Variants in ZNF804A observed in about 807,000 individuals in gnomAD.
ZNF804A encodes zinc finger protein 804A.
ZNF804A carries 2 observed loss-of-function variants against 16.5 expected under a neutral mutation model. That is an observed-to-expected ratio of 0.12 (90% confidence interval 0.05 to 0.38). The LOEUF is 0.38. ZNF804A is among the 10% of genes least tolerant of loss of function. The probability of loss-of-function intolerance (pLI) is 0.99; values close to 1 mark genes in which losing one functional copy is unlikely to be tolerated. For synonymous variants in ZNF804A, 534 were observed against 489.6 expected (o/e 1.09, Z -1.20); for missense variants, 1,473 against 1,390.7 (o/e 1.06, Z -0.94).
rs1387654239 is a variant in ZNF804A at position 184,866,457 on chromosome 2, A to G, written c.200A>G (p.Tyr67Cys). ...FYCELCDKQY[Y>C]KHQEFDNHIN... Reference sequence around the variant, plus strand: ...TGTGAACTCTGTGACAAGCAGTACTATAAGCACCAGGAGTTTGACAATCAC... The same window carrying G: ...TGTGAACTCTGTGACAAGCAGTACTGTAAGCACCAGGAGTTTGACAATCAC... The change falls in exon 2 of 4, where the codon TAT becomes TGT. Residue 67 changes from tyrosine (Y) to cysteine (C), a missense_variant. By Grantham distance (194) the Tyr-to-Cys change is radical (BLOSUM62 -2). Coordinates refer to ENST00000302277, the MANE Select transcript of ZNF804A (RefSeq NM_194250.2). 6.2e-7 allele frequency: 1 copy of G among 1,613,138 alleles called. No individual in the cohort carries two copies. The highest frequency in any genetic ancestry group is 1.1e-5 in the South Asian group (1 of 91,030).
At chr2:184,777,242 C>G (rs955944755) in intron 1 of ZNF804A, among the ~76,000 whole-genome samples, 1 of 151,518 alleles carries the variant, frequency 6.6e-6, no homozygotes, top group African/African-American at 2.4e-5. Flanking sequence ...CCAACTGGAC[C>G]CACCATTTTG....
intron 1 of ZNF804A, among the ~76,000 whole-genome samples, chr2:184,680,628 G>A (rs1692525125): frequency 6.6e-6 from 1 of 152,234 alleles, no homozygotes; most frequent in African/African-American, 2.4e-5. Context: ...CCGCTGAGCT[G>A]TATTGTCACT....
intron 1 of ZNF804A, among the ~76,000 whole-genome samples, chr2:184,606,217 TA>T (rs982082159): frequency 1.2e-4 from 19 of 152,176 alleles, no homozygotes; most frequent in African/African-American, 4.6e-4. Flanking sequence ...AGGTAATTTA[TA>T]AAGGAAAGAG....
intron 1 of ZNF804A, among the ~76,000 whole-genome samples, chr2:184,809,157 G>T (rs1694854259): frequency 6.6e-6 from 1 of 151,758 alleles, no homozygotes; most frequent in South Asian, 2.1e-4. Context: ...TGGCATAATG[G>T]ATATAATTTT....
intron 1 of ZNF804A, among the ~76,000 whole-genome samples, chr2:184,808,011 G>T (rs1426226613): frequency 6.6e-6 from 1 of 151,450 alleles, no homozygotes; most frequent in Non-Finnish European, 1.5e-5. Context: ...TTTTAAAAAT[G>T]TGTTTTCTTT....
chr2:184,760,510 T>A (rs1413450146), intron 1 of ZNF804A, among the ~76,000 whole-genome samples: 1 of 152,258 alleles, frequency 6.6e-6, no homozygotes, highest in African/African-American at 2.4e-5. Context: ...TATGTATGTT[T>A]AAAGTAGAGC....
chr2:184,937,583 G>T lies in ZNF804A; in HGVS notation c.2187G>T (p.Met729Ile), dbSNP rs970749181. The T allele has an allele frequency of 1.2e-6, 2 of 1,612,480 alleles. No individual in the cohort carries two copies. Among genetic ancestry groups the T allele is most frequent in the Admixed American group, 1.7e-5 (1 of 59,464 alleles). Reference sequence around the variant, plus strand: ...CTTACTGTTGTTGGAAAACCAAAATGTCAAGCTGTAGTCAGGATCACAGAA... The same window carrying T: ...CTTACTGTTGTTGGAAAACCAAAATTTCAAGCTGTAGTCAGGATCACAGAA... ...SRTYCCWKTK[M>I]SSCSQDHRSL... Residue 729 changes from methionine (M) to isoleucine (I), a missense_variant, in exon 4 of 4, where the codon ATG becomes ATT. Physicochemically the swap from Met to Ile is conservative, Grantham distance 10. Transcript: ENST00000302277.
At chr2:184,770,831 A>C (rs1461030370) in intron 1 of ZNF804A, among the ~76,000 whole-genome samples, 1 of 152,062 alleles carries the variant, frequency 6.6e-6, no homozygotes, top group Non-Finnish European at 1.5e-5. Flanking sequence ...TATTGTGGAA[A>C]ACTGGCAGTG....
intron 2 of ZNF804A, among the ~76,000 whole-genome samples, chr2:184,895,369 A>G (rs1176971315): frequency 1.3e-5 from 2 of 152,216 alleles, no homozygotes; most frequent in Non-Finnish European, 2.9e-5. Context: ...ATGAATCTTT[A>G]AGAAGCATTT....
At chr2:184,671,486 C>A (rs1692338352) in intron 1 of ZNF804A, among the ~76,000 whole-genome samples, 1 of 152,064 alleles carries the variant, frequency 6.6e-6, no homozygotes, top group Non-Finnish European at 1.5e-5. Context: ...GAAGTGACCT[C>A]CTTTGTATTA....
At chr2:184,790,760 C>T (rs1177285965) in intron 1 of ZNF804A, among the ~76,000 whole-genome samples, 5 of 151,928 alleles carry the variant, frequency 3.3e-5, no homozygotes, top group South Asian at 2.1e-4. Context: ...CCTGCCACAA[C>T]GCCCGGCTAA....
intron 1 of ZNF804A, among the ~76,000 whole-genome samples, chr2:184,627,688 AT>A (rs774177169): frequency 2.1e-4 from 32 of 152,222 alleles, no homozygotes; most frequent in Non-Finnish European, 3.7e-4. Context: ...TATCTTGAGC[AT>A]TGTGAATTCA....
chr2:184,806,083 A>G (rs1276957487), intron 1 of ZNF804A, among the ~76,000 whole-genome samples: 1 of 151,868 alleles, frequency 6.6e-6, no homozygotes, highest in East Asian at 1.9e-4. Context: ...TTTCCCCGGG[A>G]TATTTATAGT....
rs1685111345 is a variant in ZNF804A, at chr2:184,936,703, T to C, written c.1307T>C (p.Val436Ala). 3.1e-6 allele frequency: 5 copies of C among 1,613,660 alleles called. No individual in the cohort carries two copies. The highest frequency in any genetic ancestry group is 4.2e-6 in the Non-Finnish European group (5 of 1,179,850). ...VPVLNKHRST[V>A]LQWPSEMLVY... ...GTCCTTAACAAACACAGATCTACAG[T>C]TCTTCAGTGGCCATCAGAAATGCTG... The change falls in exon 4 of 4, where the codon GTT becomes GCT. Residue 436 changes from valine to alanine, a missense_variant. Physicochemically the swap from Val to Ala is moderately conservative, Grantham distance 64. Transcript: ENST00000302277.
rs114933722 is a variant in ZNF804A, at chr2:184,720,233, C to G, written c.111+121163C>G. ...CAGTCACCTCCCACAGGGTCCCTCC[C>G]ATAACACATGGGAATTCAAGATGAG... On this transcript the variant is annotated intron_variant, in intron 1 of 3. Transcript: ENST00000302277. Among the ~76,000 whole-genome samples the G allele has an allele frequency of 4.0e-3, 607 of 152,262 alleles. 11 individuals are homozygous for G. Among genetic ancestry groups the G allele is most frequent in the Middle Eastern group, 0.014 (4 of 294 alleles).
intron 1 of ZNF804A, among the ~76,000 whole-genome samples, chr2:184,676,688 T>A (rs1421321687): frequency 6.6e-6 from 1 of 151,746 alleles, no homozygotes; most frequent in Non-Finnish European, 1.5e-5. Flanking sequence ...AATCTATTAA[T>A]AAAAATGCCA....
At chr2:184,755,589 T>C (rs542857963) in intron 1 of ZNF804A, among the ~76,000 whole-genome samples, 1 of 152,128 alleles carries the variant, frequency 6.6e-6, no homozygotes, top group African/African-American at 2.4e-5. Flanking sequence ...AAATGGATTC[T>C]TTACTTTCAT....
chr2:184,705,164 C>A (rs34494944), intron 1 of ZNF804A, among the ~76,000 whole-genome samples: 1 of 151,778 alleles, frequency 6.6e-6, no homozygotes, highest in Non-Finnish European at 1.5e-5. Context: ...CTGATAGTTG[C>A]GATATTTTAG....
At chr2:184,808,752 A>T (rs111978801) in intron 1 of ZNF804A, among the ~76,000 whole-genome samples, 2,926 of 151,796 alleles carry the variant, frequency 0.019, 45 homozygotes, top group Admixed American at 0.053. Context: ...GTAAAAACAG[A>T]ATTTAATAAA....
Sources: allele counts gnomAD v4.1 joint callset (sites outside exome capture counted in the v4.1 genomes callset), GRCh38; gene constraint gnomAD v4.1.1; transcripts MANE v1.5; gene names NCBI Gene and HGNC (gene_info 2026-07-23, HGNC 2026-07-21).